Variants in NFU1 observed in about 807,000 individuals in gnomAD.
NFU1 encodes the protein NFU1 iron-sulfur cluster scaffold homolog, mitochondrial.
Under a neutral mutation model 32.2 loss-of-function variants are expected in NFU1, and 30 were observed. The ratio of observed to expected loss-of-function variants is 0.93; its 90% CI spans 0.70 to 1.26. NFU1 has a LOEUF of 1.26. Among genes scored for constraint, NFU1 ranks in the 50% most tolerant of loss-of-function variants. NFU1 has a pLI of 0.00. For synonymous variants in NFU1, 112 were observed against 104.6 expected, an observed-to-expected ratio of 1.07 and a Z score of -0.43; for missense variants, 306 against 306.6, an observed-to-expected ratio of 1.00 and a Z score of 0.02.
chr2:69,403,442 G>C (rs762615982), intron 6 of NFU1, among the ~76,000 whole-genome samples: 1 of 151,376 alleles, frequency 6.6e-6, no homozygotes, highest in Non-Finnish European at 1.5e-5. Flanking sequence ...CTTGACCAGA[G>C]TGCAATGGTG....
At chr2:69,418,742 T>C (rs1673143094) in intron 4 of NFU1, among the ~76,000 whole-genome samples, 1 of 152,108 alleles carries the variant, frequency 6.6e-6, no homozygotes, top group Non-Finnish European at 1.5e-5. Context: ...GTGCTGGGAT[T>C]ACAGGCGTGA....
At chr2:69,421,562 CT>C (rs763705011) in intron 3 of NFU1, among the ~76,000 whole-genome samples, 9,150 of 70,348 alleles carry the variant, frequency 0.13, 79 homozygotes, top group African/African-American at 0.15. Context: ...ATCATTTGTG[CT>C]TTTTTTTTTT....
intron 4 of NFU1, among the ~76,000 whole-genome samples, chr2:69,418,118 G>GC (rs918750932): frequency 1.3e-5 from 2 of 151,932 alleles, no homozygotes; most frequent in East Asian, 1.9e-4. Context: ...AAGAATGGGG[G>GC]GCTGGACGTG....
intron 7 of NFU1, among the ~76,000 whole-genome samples, chr2:69,397,544 TCC>T (rs1672379186): frequency 6.6e-6 from 1 of 151,870 alleles, no homozygotes; most frequent in East Asian, 1.9e-4. Flanking sequence ...CCTCAGTCAA[TCC>T]ACCAAAGTAT....
At chr2:69,421,316 T>C (rs1487731191) in intron 3 of NFU1, among the ~76,000 whole-genome samples, 2 of 152,194 alleles carry the variant, frequency 1.3e-5, no homozygotes, top group East Asian at 3.9e-4. Context: ...CTATTAATTA[T>C]AAATTTTAAA....
upstream of NFU1, chr2:69,437,445 T>G (rs535675694): frequency 7.5e-6 from 12 of 1,608,282 alleles, no homozygotes; most frequent in South Asian, 5.5e-5. Context: ...TGCCTAAGGG[T>G]CTCCCTGACA....
At chr2:69,419,219 G>A (rs1489175352) in intron 4 of NFU1, among the ~76,000 whole-genome samples, 4 of 151,974 alleles carry the variant, frequency 2.6e-5, no homozygotes, top group African/African-American at 9.7e-5. Context: ...GGTGGCGGGG[G>A]GGGGCGCCGA....
chr2:69,436,862 C>T (rs771224930), intron 1 of NFU1, among the ~76,000 whole-genome samples: 6 of 150,684 alleles, frequency 4.0e-5, no homozygotes, highest in Non-Finnish European at 7.4e-5. Context: ...GGTCCTGGTT[C>T]TCGTCGGAAT....
At chr2:69,415,844 C>T (rs1029062447) in intron 4 of NFU1, among the ~76,000 whole-genome samples, 2 of 151,994 alleles carry the variant, frequency 1.3e-5, no homozygotes, top group African/African-American at 4.8e-5. Context: ...AGAAGCTTTT[C>T]CTGGTCAGGT....
intron 2 of NFU1, among the ~76,000 whole-genome samples, chr2:69,426,422 A>G (rs1673456450): frequency 6.6e-6 from 1 of 151,988 alleles, no homozygotes; most frequent in Non-Finnish European, 1.5e-5. Context: ...AGTAGCTGAG[A>G]TTACCAGCAT....
chr2:69,408,803 C>T lies in NFU1; in HGVS notation c.485-2721G>A, dbSNP rs1672787588. On this transcript the variant is annotated intron_variant, in intron 5 of 7. Transcript: ENST00000410022. ...ACATACATACATCAATGTACTATTG[C>T]AATTATATTTATGAGATAAATTCCT... 2.1e-5 allele frequency among the ~76,000 whole-genome samples: 3 copies of T among 140,564 alleles called. No homozygotes were observed. In the South Asian group the frequency reaches 6.8e-4, roughly 32 times the overall value. 92.2% of individuals were successfully genotyped at this position (140,564 alleles called of 152,430 possible).
intron 5 of NFU1, among the ~76,000 whole-genome samples, chr2:69,410,523 C>T (rs1194868832): frequency 1.3e-5 from 2 of 152,182 alleles, no homozygotes; most frequent in Non-Finnish European, 2.9e-5. Flanking sequence ...ATTACTCAAC[C>T]ATTCAGTGCC....
chr2:69,433,009 G>A (rs1247614148), intron 1 of NFU1, among the ~76,000 whole-genome samples: 2 of 151,676 alleles, frequency 1.3e-5, no homozygotes, highest in East Asian at 2.0e-4. Flanking sequence ...AAATAGCTGG[G>A]AGTGGTGGTG....
chr2:69,410,357 C>T (rs1437044125), intron 5 of NFU1, among the ~76,000 whole-genome samples: 1 of 152,106 alleles, frequency 6.6e-6, no homozygotes, highest in Non-Finnish European at 1.5e-5. Context: ...CCATTGCTCT[C>T]CAGCCTGGGC....
intron 5 of NFU1, among the ~76,000 whole-genome samples, chr2:69,408,476 T>C (rs371172324): frequency 6.6e-6 from 1 of 152,064 alleles, no homozygotes; most frequent in Non-Finnish European, 1.5e-5. Flanking sequence ...TCCCAGCACT[T>C]TGGGAGGCCA....
At chr2:69,436,087 T>A (rs191939532) in intron 1 of NFU1, among the ~76,000 whole-genome samples, 1 of 152,274 alleles carries the variant, frequency 6.6e-6, no homozygotes, top group Admixed American at 6.5e-5. Context: ...CTCATGACTG[T>A]CATTATTTGT....
chr2:69,400,148 T>C (rs1221491772), intron 7 of NFU1, among the ~76,000 whole-genome samples: 1 of 152,070 alleles, frequency 6.6e-6, no homozygotes, highest in Non-Finnish European at 1.5e-5. Context: ...GCTGGGATTA[T>C]AGGTTTGAGC....
At chr2:69,416,685 G>A (rs957526053) in intron 4 of NFU1, among the ~76,000 whole-genome samples, 1 of 152,088 alleles carries the variant, frequency 6.6e-6, no homozygotes, top group African/African-American at 2.4e-5. Flanking sequence ...GATCACCTGA[G>A]GTCAGGAGTT....
chr2:69,402,707 G>A (rs1306180625), intron 6 of NFU1, among the ~76,000 whole-genome samples: 1 of 151,792 alleles, frequency 6.6e-6, no homozygotes, highest in African/African-American at 2.4e-5. Flanking sequence ...TCAGCCTCCC[G>A]AGTAGCTGGG....
Sources: gnomAD v4.1 joint callset for allele counts (sites outside exome capture counted in the v4.1 genomes callset) on GRCh38, gnomAD v4.1.1 for gene constraint, MANE v1.5 for transcripts, NCBI Gene and HGNC (gene_info 2026-07-23, HGNC 2026-07-21) for gene names.